The following ST6GALNAC3 variants were observed in gnomAD, a reference collection of about 807,000 sequenced individuals.
ST6GALNAC3 encodes ST6 N-acetylgalactosaminide alpha-2,6-sialyltransferase 3, also known as alpha-N-acetylgalactosaminide alpha-2,6-sialyltransferase 3.
Under a neutral mutation model 32.7 loss-of-function variants are expected in ST6GALNAC3, and 25 were observed. The ratio of observed to expected loss-of-function variants is 0.76; its 90% CI spans 0.56 to 1.07. The LOEUF is 1.07. ST6GALNAC3 is among the 50% of genes least tolerant of loss of function. ST6GALNAC3 has a pLI of 0.00. For missense variants in ST6GALNAC3, 355 were observed against 382.4 expected (o/e 0.93, Z 0.60); for synonymous variants, 129 against 133.1 (o/e 0.97, Z 0.21).
chr1:76,322,876 T>A (rs1646996144), intron 2 of ST6GALNAC3, among the ~76,000 whole-genome samples: 1 of 152,086 alleles, frequency 6.6e-6, no homozygotes, highest in South Asian at 2.1e-4. Context: ...AGTCTCGCTC[T>A]GTCACTTAGG....
At chr1:76,142,476 A>C (rs1251225543) in intron 1 of ST6GALNAC3, among the ~76,000 whole-genome samples, 1 of 152,160 alleles carries the variant, frequency 6.6e-6, no homozygotes, top group Non-Finnish European at 1.5e-5. Flanking sequence ...CAACCAGGGG[A>C]AGAGGAGGAA....
chr1:76,601,933 C>A lies in ST6GALNAC3; in HGVS notation c.624-25519C>A, dbSNP rs534951307. Reference sequence around the variant, plus strand: ...AAATCCAATACTGGGTCCTGGATGGCGAGGAAGGTATCCTTCTAACCAAAT... The same window carrying A: ...AAATCCAATACTGGGTCCTGGATGGAGAGGAAGGTATCCTTCTAACCAAAT... On this transcript the variant is annotated intron_variant, in intron 3 of 4. Transcript: ENST00000328299. 3.3e-5 allele frequency among the ~76,000 whole-genome samples: 5 copies of A among 152,106 alleles called. No individual in the cohort carries two copies. In the East Asian group the frequency reaches 9.7e-4, roughly 30 times the overall value.
chr1:76,484,238 G>GTTT (rs1659943609), intron 3 of ST6GALNAC3, among the ~76,000 whole-genome samples: 1 of 152,170 alleles, frequency 6.6e-6, no homozygotes. Flanking sequence ...CTTTAAAGTA[G>GTTT]TTTTTTCCAA....
chr1:76,184,391 T>C (rs1234023288), intron 1 of ST6GALNAC3, among the ~76,000 whole-genome samples: 1 of 152,000 alleles, frequency 6.6e-6, no homozygotes, highest in Non-Finnish European at 1.5e-5. Flanking sequence ...TTACAAAAAT[T>C]AGCCGGGTGT....
At chr1:76,273,555 G>A (rs1336406365) in intron 1 of ST6GALNAC3, among the ~76,000 whole-genome samples, 1 of 152,046 alleles carries the variant, frequency 6.6e-6, no homozygotes, top group African/African-American at 2.4e-5. Flanking sequence ...AGTAATCAAA[G>A]AAGACAAGTT....
chr1:76,312,026 G>A (rs1039563995), intron 1 of ST6GALNAC3, among the ~76,000 whole-genome samples: 10 of 152,268 alleles, frequency 6.6e-5, no homozygotes, highest in South Asian at 2.1e-4. Flanking sequence ...CTTCTCTAAT[G>A]AATAGTGATG....
chr1:76,424,273 C>A (rs945387838), intron 3 of ST6GALNAC3, among the ~76,000 whole-genome samples: 1 of 151,936 alleles, frequency 6.6e-6, no homozygotes, highest in Non-Finnish European at 1.5e-5. Flanking sequence ...GCCATCCCAT[C>A]TTAATTGGGA....
chr1:76,591,103 T>G (rs1647040296), intron 3 of ST6GALNAC3, among the ~76,000 whole-genome samples: 1 of 152,146 alleles, frequency 6.6e-6, no homozygotes, highest in African/African-American at 2.4e-5. Flanking sequence ...TCTGTGATGA[T>G]AAAGGTTAGG....
In ST6GALNAC3 at chr1:76,349,648, A is replaced by G. The variant is rs147716885; in HGVS notation, c.213+35649A>G. 1.8e-3 allele frequency among the ~76,000 whole-genome samples: 269 copies of G among 152,300 alleles called. 1 individual carries two copies. Among genetic ancestry groups the G allele is most frequent in the African/African-American group, 6.2e-3 (258 of 41,560 alleles). Reference sequence around the variant, plus strand: ...TATTTCAAGATAGAACCATCCTGATATATTTTCTTATTTTACTATTCTTTG... The same window carrying G: ...TATTTCAAGATAGAACCATCCTGATGTATTTTCTTATTTTACTATTCTTTG... On this transcript the variant is annotated intron_variant, in intron 2 of 4. Coordinates refer to ENST00000328299, the MANE Select transcript of ST6GALNAC3 (RefSeq NM_152996.4).
At chr1:76,221,944 T>A (rs1255650161) in intron 1 of ST6GALNAC3, among the ~76,000 whole-genome samples, 1 of 152,186 alleles carries the variant, frequency 6.6e-6, no homozygotes, top group Non-Finnish European at 1.5e-5. Context: ...GTTGAAAGAA[T>A]GAACTTGTGT....
intron 3 of ST6GALNAC3, among the ~76,000 whole-genome samples, chr1:76,533,335 CACAA>C (rs60317940): frequency 0.82 from 124,869 of 151,584 alleles, 51,480 homozygotes; most frequent in Middle Eastern, 0.91. Flanking sequence ...TCCTCATTCC[CACAA>C]ACAAACACCA....
chr1:76,460,161 T>C (rs1202724579), intron 3 of ST6GALNAC3, among the ~76,000 whole-genome samples: 1 of 152,210 alleles, frequency 6.6e-6, no homozygotes, highest in African/African-American at 2.4e-5. Flanking sequence ...TTTCATTTTT[T>C]TAAATAGCCA....
At chr1:76,079,781 A>G (rs1461796877) in intron 1 of ST6GALNAC3, among the ~76,000 whole-genome samples, 1 of 152,092 alleles carries the variant, frequency 6.6e-6, no homozygotes, top group East Asian at 1.9e-4. Context: ...GTCTCAGGAA[A>G]ACCTCTCAAC....
intron 3 of ST6GALNAC3, among the ~76,000 whole-genome samples, chr1:76,625,381 C>T (rs1043790683): frequency 5.3e-5 from 8 of 151,250 alleles, no homozygotes; most frequent in East Asian, 3.9e-4. Context: ...AAACAAATGC[C>T]GTAACTTTTA....
At position 76,316,139 on chromosome 1, in the gene ST6GALNAC3, C is replaced by T. The variant is rs763129767; in HGVS notation, c.213+2140C>T. On this transcript the variant is annotated intron_variant, in intron 2 of 4. Coordinates refer to ENST00000328299, the MANE Select transcript of ST6GALNAC3 (RefSeq NM_152996.4). ...GAAGTCTGACAATACCAAGTGTTGA[C>T]GAGGATGTGGAACAACAGATACTAT... 1.1e-4 allele frequency among the ~76,000 whole-genome samples: 16 copies of T among 152,086 alleles called. No homozygotes were observed. The East Asian group carries it at 1.7e-3, about 17-fold the overall frequency.
chr1:76,198,709 G>A (rs1654351690), intron 1 of ST6GALNAC3, among the ~76,000 whole-genome samples: 1 of 152,154 alleles, frequency 6.6e-6, no homozygotes, highest in Non-Finnish European at 1.5e-5. Context: ...CAAGAGGAGG[G>A]ACATACTTAC....
chr1:76,193,662 G>A (rs1482215651), intron 1 of ST6GALNAC3, among the ~76,000 whole-genome samples: 1 of 152,112 alleles, frequency 6.6e-6, no homozygotes, highest in Non-Finnish European at 1.5e-5. Flanking sequence ...TGGGCTAACT[G>A]TGTTACTCAT....
chr1:76,465,995 C>G (rs1658600302), intron 3 of ST6GALNAC3, among the ~76,000 whole-genome samples: 1 of 152,022 alleles, frequency 6.6e-6, no homozygotes, highest in Admixed American at 6.6e-5. Context: ...AATCAGCATT[C>G]TACAAGGACC....
intron 3 of ST6GALNAC3, among the ~76,000 whole-genome samples, chr1:76,505,128 C>CTTTT (rs764191036): frequency 7.0e-6 from 1 of 143,496 alleles, no homozygotes; most frequent in African/African-American, 2.5e-5. Flanking sequence ...GAAGCCAAAG[C>CTTTT]TTTTTTTTTT....
Sources: allele counts gnomAD v4.1 joint callset (sites outside exome capture counted in the v4.1 genomes callset), GRCh38; gene constraint gnomAD v4.1.1; transcripts MANE v1.5; gene names NCBI Gene and HGNC (gene_info 2026-07-23, HGNC 2026-07-21).